Variants in FBXW5 observed in about 807,000 individuals in gnomAD.
The protein encoded by FBXW5 is F-box/WD repeat-containing protein 5.
Under a neutral mutation model 50.9 loss-of-function variants are expected in FBXW5, and 74 were observed. The ratio of observed to expected loss-of-function variants is 1.45; its 90% CI spans 1.20 to 1.76. FBXW5 has a LOEUF of 1.76. FBXW5 is among the 40% of genes most tolerant of loss of function. The pLI is 0.00. For missense variants in FBXW5, 1,073 were observed against 818.8 expected (o/e 1.31, Z -3.79); for synonymous variants, 523 against 362.2 (o/e 1.44, Z -5.04).
chr9:136,944,230 C>A, intron 1 of FBXW5, 124 bp from the exon 2 acceptor site: 1 of 1,130,758 alleles, frequency 8.8e-7, no homozygotes, highest in South Asian at 1.7e-5. Flanking sequence ...CTGCAGGGGA[C>A]GCCCGGGTAC....
At position 136,941,978 on chromosome 9, in the gene FBXW5, C is replaced by G. The variant is rs999510095; in HGVS notation, c.1096+68G>C. ...GTGGACTTGCTTGCTGTCTGCCCCT[C>G]AGGACCCCTGCCCGGCCTCCCCCAA... On this transcript the variant is annotated intron_variant, in intron 6 of 8. Transcript: ENST00000325285. 3.3e-6 allele frequency: 5 copies of G among 1,505,024 alleles called. No homozygotes were observed. In the Admixed American group the frequency reaches 1.1e-4, roughly 32 times the overall value. 93.2% of individuals were successfully genotyped at this position (1,505,024 alleles called of 1,614,324 possible).
rs570838613 is a variant in FBXW5, at chr9:136,943,526, A to G, written c.194-20T>C. ...TGGCCGCTGCGGGTGGGCAGTTGTC[A>G]GTCCTGGGCCCGGGCCTTCCTCGCA... On this transcript the variant is annotated intron_variant, in intron 2 of 8. Coordinates refer to ENST00000325285, the MANE Select transcript of FBXW5 (RefSeq NM_018998.4). The G allele has an allele frequency of 1.3e-5, 21 of 1,600,498 alleles. No individual in the cohort carries two copies. In the Admixed American group the frequency reaches 3.5e-4, roughly 27 times the overall value.
In FBXW5 at chr9:136,943,128, A is replaced by G. The variant is rs78290834; in HGVS notation, c.352-185T>C. On this transcript the variant is annotated intron_variant, in intron 3 of 8. Coordinates refer to ENST00000325285, the MANE Select transcript of FBXW5 (RefSeq NM_018998.4). ...TATAGAGCGGAGGAGCCTGCCCCTG[A>G]AGCAGGCGGCTGTGTGTGGGACCCT... 814 of 1,070,480 alleles carry G rather than the reference A, an allele frequency of 7.6e-4. 5 individuals are homozygous for G. The African/African-American group carries it at 9.9e-3, about 13-fold the overall frequency. The allele number at this position is 1,070,480 out of a possible 1,614,324, so 66.3% of individuals were successfully genotyped here.
rs370433503 is a variant in FBXW5, at chr9:136,940,885, T to C, written c.*43A>G. 3 of 1,551,970 alleles carry C rather than the reference T, an allele frequency of 1.9e-6. No individual in the cohort carries two copies. The highest frequency in any genetic ancestry group is 2.6e-6 in the Non-Finnish European group (3 of 1,150,100). Reference sequence around the variant, plus strand: ...GGGAAAAAGCCACAGAGCCTGGCGATGTCCTCAAGGGGTCCCGGTGGCTCC... The same window carrying C: ...GGGAAAAAGCCACAGAGCCTGGCGACGTCCTCAAGGGGTCCCGGTGGCTCC... On this transcript the variant is annotated 3_prime_UTR_variant, in exon 9 of 9. Coordinates refer to ENST00000325285, the MANE Select transcript of FBXW5 (RefSeq NM_018998.4).
Position 136,942,634 on chromosome 9 carries a change from G to A in FBXW5, c.588C>T (p.Leu196=), listed in dbSNP as rs1170047898. The A allele has an allele frequency of 4.8e-5, 77 of 1,609,606 alleles. No individual in the cohort carries two copies. Among genetic ancestry groups the A allele is most frequent in the Non-Finnish European group, 1.7e-6 (2 of 1,178,712 alleles). ...NKPYDVFGCW[L]TETSLISGNL... is the part of the protein sequence containing the mutation. ...TCCCCGAGATGAGGCTGGTCTCGGT[G>A]AGCCAACAGCCAAACACGTCATAGG... The change falls in exon 5 of 9, where the codon CTC becomes CTT. Residue 196 remains leucine, a synonymous_variant. Coordinates refer to ENST00000325285, the MANE Select transcript of FBXW5 (RefSeq NM_018998.4).
Position 136,940,865 on chromosome 9 carries a change from A to G in FBXW5, c.*63T>C. On this transcript the variant is annotated 3_prime_UTR_variant, in exon 9 of 9. Transcript: ENST00000325285. Reference sequence around the variant, plus strand: ...CATCTCCACCTCTCCCGCTCGGGAAAAAGCCACAGAGCCTGGCGATGTCCT... The same window carrying G: ...CATCTCCACCTCTCCCGCTCGGGAAGAAGCCACAGAGCCTGGCGATGTCCT... 1.3e-6 allele frequency: 2 copies of G among 1,529,530 alleles called. No individual in the cohort carries two copies. Among genetic ancestry groups the G allele is most frequent in the South Asian group, 1.2e-5 (1 of 83,972 alleles). The allele number at this position is 1,529,530 out of a possible 1,614,324, so 94.7% of individuals were successfully genotyped here.
intron 2 of FBXW5, 82 bp from the exon 3 acceptor site, chr9:136,943,588 T>C: frequency 6.6e-7 from 1 of 1,510,190 alleles, no homozygotes; most frequent in Non-Finnish European, 8.9e-7. Context: ...CCAGCAGTCC[T>C]GGCAGGCCCC....
chr9:136,941,240 G>A lies in FBXW5; in HGVS notation c.1457+11C>T, dbSNP rs375317859. On this transcript the variant is annotated intron_variant, in intron 8 of 8. Transcript: ENST00000325285. The stretch of plus-strand genomic sequence containing the variant: ...GCCCACACCCGCCCTGCACCACGCC[G>A]CGCCCTGCACCTGGCCACGAAGTCC... 61 of 1,602,104 alleles carry A rather than the reference G, an allele frequency of 3.8e-5. No individual in the cohort carries two copies. The highest frequency in any genetic ancestry group is 1.6e-4 in the Middle Eastern group (1 of 6,082).
At position 136,943,428 on chromosome 9, in the gene FBXW5, T is replaced by TGTTCCCGCAGCGTCTGCAC. The variant is rs1438041516; in HGVS notation, c.253_271dup (p.His91ArgfsTer106). 1.2e-6 allele frequency: 2 copies of TGTTCCCGCAGCGTCTGCAC among 1,612,884 alleles called. No individual in the cohort carries two copies. Among genetic ancestry groups the TGTTCCCGCAGCGTCTGCAC allele is most frequent in the Non-Finnish European group, 1.7e-6 (2 of 1,179,956 alleles). ...GCTGAGGTGCAGGACCTGGTCTGTG[T>TGTTCCCGCAGCGTCTGCAC]GTTCCCGCAGCGTCTGCACCTCCAC... On this transcript the variant is annotated frameshift_variant, in exon 3 of 9. Transcript: ENST00000325285. LOFTEE classifies it high-confidence loss of function.
At position 136,944,115 on chromosome 9, in the gene FBXW5, C is replaced by T; in HGVS notation, c.-23-9G>A. The T allele has an allele frequency of 6.4e-7, 1 of 1,551,214 alleles. No homozygotes were observed. Among genetic ancestry groups the T allele is most frequent in the Non-Finnish European group, 8.7e-7 (1 of 1,147,618 alleles). Reference sequence around the variant, plus strand: ...ATTCTGCCCAGGCGGCCCTGAAACCCACCAACGGCTGCCCTCAGCCCAGGC... The same window carrying T: ...ATTCTGCCCAGGCGGCCCTGAAACCTACCAACGGCTGCCCTCAGCCCAGGC... On this transcript the variant is annotated splice_polypyrimidine_tract_variant and intron_variant, in intron 1 of 8. Transcript: ENST00000325285.
chr9:136,943,691 C>G (rs549775984), intron 2 of FBXW5, among the ~76,000 whole-genome samples, 185 bp from the exon 3 acceptor site: 5 of 152,342 alleles, frequency 3.3e-5, no homozygotes, highest in Non-Finnish European at 5.9e-5. Flanking sequence ...CCCCACCCCC[C>G]AAGTGACCCA....
At position 136,943,958 on chromosome 9, in the gene FBXW5, G is replaced by A. The variant is rs1302484045; in HGVS notation, c.126C>T (p.Asp42=). The change falls in exon 2 of 9, where the codon GAC becomes GAT. Residue 42 remains aspartate, a synonymous_variant. Coordinates refer to ENST00000325285, the MANE Select transcript of FBXW5 (RefSeq NM_018998.4). The stretch of plus-strand genomic sequence containing the variant: ...AGAACTGCTCCCTCCACAGGAACTC[G>A]TCCCGCGACACGGCCTGCCATTGGC... ...VCRQWQAVSR[D]EFLWREQFYR... 2 of 1,562,214 alleles carry A rather than the reference G, an allele frequency of 1.3e-6. No individual in the cohort carries two copies. The highest frequency in any genetic ancestry group is 2.7e-5 in the African/African-American group (2 of 73,450).
chr9:136,941,459 G>A lies in FBXW5; in HGVS notation c.1249C>T (p.Leu417=), dbSNP rs767969786. The A allele has an allele frequency of 1.9e-5, 30 of 1,607,036 alleles. No homozygotes were observed. Among genetic ancestry groups the A allele is most frequent in the Non-Finnish European group, 2.4e-5 (28 of 1,179,740 alleles). ...GGCCAGGCGCGGCTGTTCACGTACA[G>A]GTACCTGGGCGAGGGGCACTGTGCT... The part of the protein sequence containing the change: ...GMGLSPDNRY[L]YVNSRAWPNG... The change falls in exon 8 of 9, where the codon CTG becomes TTG. Residue 417 remains leucine, a synonymous_variant. Transcript: ENST00000325285.
rs1354073568 is a variant in FBXW5, at chr9:136,942,262, C to T, written c.880G>A (p.Ala294Thr). Reference protein sequence around the residue: ...SDNEEVVAGPAPAHAKEGLRH... With the variant: ...SDNEEVVAGPTPAHAKEGLRH... ...AAGCCCTCCTTGGCGTGGGCGGGGG[C>T]CGGGCCAGCCACCACCTCCTCGTTG... The change falls in exon 6 of 9, where the codon GCC (alanine) becomes ACC (threonine). Residue 294 changes from alanine (A) to threonine (T), a missense_variant. Physicochemically the swap from Ala to Thr is moderately conservative, Grantham distance 58. Transcript: ENST00000325285. 5.1e-6 allele frequency: 8 copies of T among 1,581,166 alleles called. No homozygotes were observed. The highest frequency in any genetic ancestry group is 1.8e-5 in the Admixed American group (1 of 54,840).
In FBXW5 at chr9:136,944,668, G is replaced by A. The variant is rs902585338; in HGVS notation, c.-98C>T. On this transcript the variant is annotated 5_prime_UTR_variant, in exon 1 of 9. Transcript: ENST00000325285. ...CCGCTTCCGCTGCCGCAGCCGCTCG[G>A]ACCGCCGCCCCCGCCCAACGGGGAG... 4 of 985,610 alleles carry A rather than the reference G, an allele frequency of 4.1e-6. No homozygotes were observed. In the South Asian group the frequency reaches 1.8e-4, roughly 45 times the overall value. The allele number at this position is 985,610 out of a possible 1,614,324, so 61.1% of individuals were successfully genotyped here.
intron 6 of FBXW5, 125 bp from the exon 7 acceptor site, chr9:136,941,809 C>T (rs1428604679): frequency 2.1e-6 from 3 of 1,445,798 alleles, no homozygotes; most frequent in Non-Finnish European, 2.7e-6. Flanking sequence ...GCACTGCCTG[C>T]TCCGGGGGCC....
At chr9:136,941,714 G>A (rs1302945931) in intron 6 of FBXW5, 30 bp from the exon 7 acceptor site, 3 of 1,541,308 alleles carry the variant, frequency 1.9e-6, no homozygotes, top group Non-Finnish European at 2.6e-6. Flanking sequence ...GAGGGTCCCT[G>A]TCCAATGCCC....
rs1219539922 is a variant in FBXW5 at position 136,943,072 on chromosome 9, C to T, written c.352-129G>A. ...GCCACCAGGGAGCAGGGACCCCTTC[C>T]AGCCACTGTCATCCACTCGGGGGGC... On this transcript the variant is annotated intron_variant, in intron 3 of 8. Transcript: ENST00000325285. 11 of 1,415,422 alleles carry T rather than the reference C, an allele frequency of 7.8e-6. No individual in the cohort carries two copies. In the South Asian group the frequency reaches 9.4e-5, roughly 12 times the overall value. The allele number at this position is 1,415,422 out of a possible 1,614,324, so 87.7% of individuals were successfully genotyped here. A position where few individuals can be genotyped will look rare whatever the true frequency, so the allele number is the denominator to read the frequency against.
At chr9:136,944,263 C>T (rs1303674504) in intron 1 of FBXW5, 157 bp from the exon 2 acceptor site, 1 of 852,300 alleles carries the variant, frequency 1.2e-6, no homozygotes, top group Non-Finnish European at 1.7e-6. Context: ...AAGGACCCGG[C>T]AGCTCCGGGC....
Sources: gnomAD v4.1 joint callset for allele counts (sites outside exome capture counted in the v4.1 genomes callset) on GRCh38, gnomAD v4.1.1 for gene constraint, MANE v1.5 for transcripts, NCBI Gene and HGNC (gene_info 2026-07-23, HGNC 2026-07-21) for gene names.